DMXL1: variants seen among roughly 807,000 people sequenced by gnomAD.
DMXL1 encodes Dmx like 1.
Under a neutral mutation model 319.2 loss-of-function variants are expected in DMXL1, and 99 were observed. That is an observed-to-expected ratio of 0.31 (90% confidence interval 0.26 to 0.37). The LOEUF (loss-of-function observed/expected upper bound fraction) is 0.37, where lower values mean the gene tolerates loss of function less well. Among genes scored for constraint, DMXL1 ranks in the 10% least tolerant of loss-of-function variants. DMXL1 has a pLI of 1.00. For missense variants in DMXL1, 3,745 were observed against 3,595.6 expected (o/e 1.04, Z -1.06); for synonymous variants, 1,385 against 1,235.2 (o/e 1.12, Z -2.54).
At chr5:119,134,437 C>G (rs781760547) in intron 13 of DMXL1, 48 bp downstream of exon 13, 1 of 1,460,624 alleles carries the variant, frequency 6.8e-7, no homozygotes, top group Non-Finnish European at 9.3e-7. Flanking sequence ...ATTATGTTTT[C>G]AGATAGTTTA....
chr5:119,114,870 A>C (rs547506026), intron 6 of DMXL1, among the ~76,000 whole-genome samples: 1 of 152,122 alleles, frequency 6.6e-6, no homozygotes, highest in African/African-American at 2.4e-5. Flanking sequence ...GGATTTCACC[A>C]TATTGGCCAG....
chr5:119,117,282 C>G (rs537776402), intron 7 of DMXL1, among the ~76,000 whole-genome samples: 6 of 152,272 alleles, frequency 3.9e-5, no homozygotes, highest in South Asian at 4.1e-4. Context: ...CTCAGGCGAT[C>G]TGCCTGCCTC....
intron 28 of DMXL1, among the ~76,000 whole-genome samples, chr5:119,186,788 A>G (rs1199145318): frequency 6.6e-6 from 1 of 152,164 alleles, no homozygotes; most frequent in Non-Finnish European, 1.5e-5. Flanking sequence ...AGAAAACCAC[A>G]GTGCAGATAT....
intron 26 of DMXL1, among the ~76,000 whole-genome samples, chr5:119,176,617 G>T (rs1025808087): frequency 6.6e-6 from 1 of 151,946 alleles, no homozygotes; most frequent in East Asian, 1.9e-4. Context: ...TAACCAATGA[G>T]ATTTGCCAAT....
At chr5:119,230,256 T>G (rs1164722001) in intron 38 of DMXL1, among the ~76,000 whole-genome samples, 2 of 152,198 alleles carry the variant, frequency 1.3e-5, no homozygotes, top group Non-Finnish European at 2.9e-5. Context: ...CTCTTAAGGA[T>G]ATGCCTGCTT....
Position 119,246,977 on chromosome 5 carries a change from G to A in DMXL1, c.8923-18G>A. ...CATCATCAACCCTAATTTTCCGTTT[G>A]TTCTTAATATCTTTCAGATTTGGAG... On this transcript the variant is annotated intron_variant, in intron 43 of 43. Coordinates refer to ENST00000539542, the MANE Select transcript of DMXL1 (RefSeq NM_001290321.3). The A allele has an allele frequency of 6.4e-7, 1 of 1,570,222 alleles. No homozygotes were observed. Among genetic ancestry groups the A allele is most frequent in the South Asian group, 1.1e-5 (1 of 87,742 alleles).
chr5:119,171,181 G>T lies in DMXL1; in HGVS notation c.6390G>T (p.Leu2130Phe). 6.2e-7 allele frequency: 1 copy of T among 1,613,946 alleles called. No individual in the cohort carries two copies. The highest frequency in any genetic ancestry group is 1.1e-5 in the South Asian group (1 of 91,038). ...GGCTCTTGAAGTATCAGTCACTTTTGAGAATGTTTCTTAGTTACTGCATAC... is the reference window on the plus strand; with the variant it reads ...GGCTCTTGAAGTATCAGTCACTTTTTAGAATGTTTCTTAGTTACTGCATAC... The part of the protein sequence containing the change: ...RQWLLKYQSL[L>F]RMFLSYCILH... Residue 2130 changes from leucine (L) to phenylalanine (F), a missense_variant, in exon 24 of 44, where the codon TTG becomes TTT. Physicochemically the swap from Leu to Phe is conservative, Grantham distance 22. Transcript: ENST00000539542.
At chr5:119,145,661 GTTC>G (rs934963069) in intron 15 of DMXL1, among the ~76,000 whole-genome samples, 72 of 151,696 alleles carry the variant, frequency 4.7e-4, no homozygotes, top group African/African-American at 1.1e-3. Flanking sequence ...GTTTTTCTGT[GTTC>G]TTCTTGTATT....
At chr5:119,140,584 T>C (rs981203516) in intron 13 of DMXL1, among the ~76,000 whole-genome samples, 4 of 151,982 alleles carry the variant, frequency 2.6e-5, no homozygotes, top group African/African-American at 4.8e-5. Context: ...CTAAACAGAC[T>C]AATACGAGCT....
At chr5:119,115,178 C>G (rs1021798880) in intron 6 of DMXL1, among the ~76,000 whole-genome samples, 1 of 152,102 alleles carries the variant, frequency 6.6e-6, no homozygotes, top group Non-Finnish European at 1.5e-5. Context: ...GGTCATTAAT[C>G]GTAGGATTAA....
chr5:119,194,012 G>C (rs575618589), intron 30 of DMXL1, 42 bp downstream of exon 30: 2 of 1,349,374 alleles, frequency 1.5e-6, no homozygotes, highest in Non-Finnish European at 9.9e-7. Flanking sequence ...AAAAATAATG[G>C]TGTATATAAA....
chr5:119,113,346 A>T (rs1481095089), intron 5 of DMXL1, among the ~76,000 whole-genome samples: 1 of 152,072 alleles, frequency 6.6e-6, no homozygotes. Context: ...GGTTCAAGCA[A>T]TTCTCCTGCC....
In DMXL1 at chr5:119,095,718, A is replaced by G. The variant is rs1026894172; in HGVS notation, c.88-2261A>G. Among the ~76,000 whole-genome samples, 107 of 152,348 alleles carry G rather than the reference A, an allele frequency of 7.0e-4. 2 individuals carry two copies. The highest frequency in any genetic ancestry group is 2.4e-3 in the African/African-American group (99 of 41,588). On this transcript the variant is annotated intron_variant, in intron 1 of 43. Transcript: ENST00000539542. The stretch of plus-strand genomic sequence containing the variant: ...ATCAAGGAGAAAAATTAGTTTCTAA[A>G]TTATTTGAAAGACAACTTCTCTTAA...
At chr5:119,110,332 G>T in intron 5 of DMXL1, 49 bp downstream of exon 5, 1 of 1,440,246 alleles carries the variant, frequency 6.9e-7, no homozygotes, top group South Asian at 1.6e-5. Context: ...TGTTCTATGT[G>T]GTTTTATTAT....
chr5:119,078,400 A>G (rs1250615472), intron 1 of DMXL1, among the ~76,000 whole-genome samples: 1 of 152,126 alleles, frequency 6.6e-6, no homozygotes, highest in Non-Finnish European at 1.5e-5. Context: ...AGCTTGAATT[A>G]TTTGTCCAGC....
chr5:119,080,550 C>G (rs533123611), intron 1 of DMXL1, among the ~76,000 whole-genome samples: 1 of 152,090 alleles, frequency 6.6e-6, no homozygotes, highest in African/African-American at 2.4e-5. Context: ...TTTTCTTATA[C>G]AATCAATCAA....
In DMXL1 at chr5:119,149,604, T is replaced by A. The variant is rs1279228575; in HGVS notation, c.3777T>A (p.Thr1259=). Residue 1259 remains threonine (T), a synonymous_variant, in exon 18 of 44, where the codon ACT becomes ACA. Coordinates refer to ENST00000539542, the MANE Select transcript of DMXL1 (RefSeq NM_001290321.3). ...TAACAGATTCGTACAGTGGGAGCAC[T>A]CCATCTATAACAAGTTTAATAAAAC... is the stretch of plus-strand genomic sequence containing the variant. The part of the protein sequence containing the change: ...PVITDSYSGS[T]PSITSLIKQS... 3.1e-6 allele frequency: 5 copies of A among 1,613,824 alleles called. No homozygotes were observed. Among genetic ancestry groups the A allele is most frequent in the Non-Finnish European group, 4.2e-6 (5 of 1,179,940 alleles).
At chr5:119,152,367 A>G (rs1770000825) in intron 19 of DMXL1, among the ~76,000 whole-genome samples, 1 of 151,808 alleles carries the variant, frequency 6.6e-6, no homozygotes, top group Admixed American at 6.6e-5. Context: ...TTTTTTTGAC[A>G]TTTATCTAAA....
chr5:119,158,191 G>A (rs577704857), intron 19 of DMXL1, among the ~76,000 whole-genome samples: 2 of 149,756 alleles, frequency 1.3e-5, no homozygotes, highest in South Asian at 2.1e-4. Context: ...CGGCCTGGCC[G>A]ATATATTTCT....
Sources: allele counts gnomAD v4.1 joint callset (sites outside exome capture counted in the v4.1 genomes callset), GRCh38; gene constraint gnomAD v4.1.1; transcripts MANE v1.5; gene names NCBI Gene and HGNC (gene_info 2026-07-23, HGNC 2026-07-21).